Variants in NCK2 observed in about 807,000 individuals in gnomAD.
NCK2 encodes NCK adaptor protein 2.
Under a neutral mutation model 33.9 loss-of-function variants are expected in NCK2, and 16 were observed. The ratio of observed to expected loss-of-function variants is 0.47; its 90% CI spans 0.32 to 0.72. The LOEUF is 0.72. NCK2 is among the 30% of genes least tolerant of loss of function. The pLI is 0.03. For synonymous variants in NCK2, 273 were observed against 239.9 expected, an observed-to-expected ratio of 1.14 and a Z score of -1.27; for missense variants, 418 against 537.3, an observed-to-expected ratio of 0.78 and a Z score of 2.19.
chr2:105,801,332 G>A (rs1248245888), intron 1 of NCK2, among the ~76,000 whole-genome samples: 1 of 151,946 alleles, frequency 6.6e-6, no homozygotes, highest in Non-Finnish European at 1.5e-5. Flanking sequence ...CAGCCCTTAC[G>A]TCTGTTGACC....
At chr2:105,856,217 T>C (rs1246183878) in intron 3 of NCK2, among the ~76,000 whole-genome samples, 3 of 152,202 alleles carry the variant, frequency 2.0e-5, no homozygotes, top group Admixed American at 2.0e-4. Context: ...CAGTATCCAG[T>C]CTTGCCTTTA....
chr2:105,799,509 C>G (rs1258534439), intron 1 of NCK2, among the ~76,000 whole-genome samples: 3 of 152,084 alleles, frequency 2.0e-5, no homozygotes, highest in Admixed American at 1.3e-4. Context: ...ACACTGAATT[C>G]CCAGAGGCCT....
At chr2:105,835,405 A>ATATATATATGTG (rs70953537) in intron 2 of NCK2, among the ~76,000 whole-genome samples, 2 of 37,970 alleles carry the variant, frequency 5.3e-5, no homozygotes, top group Non-Finnish European at 6.8e-5. Context: ...ATATATATAT[A>ATATATATATGTG]CGTGTATATA....
At chr2:105,749,097 A>G (rs1558819510) in intron 1 of NCK2, among the ~76,000 whole-genome samples, 1 of 152,222 alleles carries the variant, frequency 6.6e-6, no homozygotes, top group Non-Finnish European at 1.5e-5. Context: ...AGCCAACCCC[A>G]TACTCAACTG....
At chr2:105,863,287 G>A (rs1677615836) in intron 3 of NCK2, among the ~76,000 whole-genome samples, 1 of 152,056 alleles carries the variant, frequency 6.6e-6, no homozygotes, top group Admixed American at 6.5e-5. Context: ...GGGCAGAGCT[G>A]TTCATCTCTG....
chr2:105,751,799 T>C (rs1263249193), intron 1 of NCK2, among the ~76,000 whole-genome samples: 1 of 152,176 alleles, frequency 6.6e-6, no homozygotes. Flanking sequence ...TGTTTTAATA[T>C]GGACTGTCTC....
chr2:105,855,405 T>TCC, intron 3 of NCK2, 116 bp downstream of exon 3: 1 of 735,234 alleles, frequency 1.4e-6, no homozygotes, highest in South Asian at 2.1e-5. Context: ...GTTAATATCT[T>TCC]CCTAGTTGTC....
At chr2:105,769,417 G>A (rs772109696) in intron 1 of NCK2, among the ~76,000 whole-genome samples, 1 of 152,068 alleles carries the variant, frequency 6.6e-6, no homozygotes, top group Non-Finnish European at 1.5e-5. Flanking sequence ...TAACTCCCCC[G>A]TTCTTGCTTC....
At chr2:105,784,843 C>G (rs11893695) in intron 1 of NCK2, among the ~76,000 whole-genome samples, 35,055 of 152,140 alleles carry the variant, frequency 0.23, 4,196 homozygotes, top group Middle Eastern at 0.34. Flanking sequence ...TCCTCAGATA[C>G]TGACAGAATA....
At chr2:105,777,959 A>G (rs1003597062) in intron 1 of NCK2, among the ~76,000 whole-genome samples, 3 of 152,170 alleles carry the variant, frequency 2.0e-5, no homozygotes, top group Admixed American at 2.0e-4. Context: ...TGTCATGGAA[A>G]GTTCTTTTGT....
intron 2 of NCK2, among the ~76,000 whole-genome samples, chr2:105,838,992 A>G (rs1676536539): frequency 6.6e-6 from 1 of 152,186 alleles, no homozygotes. Context: ...TGCGGCAGCT[A>G]TTTTATATGA....
At chr2:105,877,190 C>T (rs867530698) in intron 3 of NCK2, among the ~76,000 whole-genome samples, 2 of 152,314 alleles carry the variant, frequency 1.3e-5, no homozygotes, top group African/African-American at 4.8e-5. Context: ...CTTCCCACTC[C>T]TCCTCCTACC....
At chr2:105,746,264 A>G (rs4851838) in intron 1 of NCK2, among the ~76,000 whole-genome samples, 3 of 152,142 alleles carry the variant, frequency 2.0e-5, no homozygotes, top group Non-Finnish European at 4.4e-5. Flanking sequence ...AAATATCGCA[A>G]GGGCCAGCTC....
intron 2 of NCK2, among the ~76,000 whole-genome samples, chr2:105,847,524 C>T (rs187551196): frequency 2.5e-3 from 387 of 151,958 alleles, no homozygotes; most frequent in Non-Finnish European, 4.0e-3. Flanking sequence ...AGGTGTGCAG[C>T]GGAACTGGCC....
chr2:105,858,058 G>GTT (rs70953539), intron 3 of NCK2, among the ~76,000 whole-genome samples: 7,877 of 142,922 alleles, frequency 0.055, 213 homozygotes, highest in South Asian at 0.071. Flanking sequence ...TTTTTTTTTT[G>GTT]TTTTTTTTTT....
chr2:105,788,722 C>T (rs191200518), intron 1 of NCK2, among the ~76,000 whole-genome samples: 7 of 152,136 alleles, frequency 4.6e-5, no homozygotes, highest in Non-Finnish European at 8.8e-5. Flanking sequence ...CCATAGAATG[C>T]ATAATTTTTT....
intron 1 of NCK2, among the ~76,000 whole-genome samples, chr2:105,802,627 G>A (rs1354552530): frequency 6.6e-6 from 1 of 152,164 alleles, no homozygotes; most frequent in Non-Finnish European, 1.5e-5. Context: ...CTTCTTACAG[G>A]AACTAAATAG....
intron 1 of NCK2, among the ~76,000 whole-genome samples, chr2:105,779,039 G>T (rs1303558134): frequency 6.6e-6 from 1 of 152,118 alleles, no homozygotes; most frequent in Non-Finnish European, 1.5e-5. Flanking sequence ...GGGCACAGTG[G>T]CTCACACCTG....
intron 1 of NCK2, among the ~76,000 whole-genome samples, chr2:105,749,328 T>G (rs945856242): frequency 1.3e-5 from 2 of 152,176 alleles, no homozygotes; most frequent in African/African-American, 4.8e-5. Context: ...TTTGAGACAA[T>G]TTTGGAAGCT....
Sources: gnomAD v4.1 joint callset for allele counts (sites outside exome capture counted in the v4.1 genomes callset) on GRCh38, gnomAD v4.1.1 for gene constraint, MANE v1.5 for transcripts, NCBI Gene and HGNC (gene_info 2026-07-23, HGNC 2026-07-21) for gene names.